The following CLTA variants were observed in gnomAD, a reference collection of about 807,000 sequenced individuals.
CLTA encodes clathrin, light polypeptide (Lca).
CLTA carries 9 observed loss-of-function variants against 26.9 expected under a neutral mutation model. The ratio of observed to expected loss-of-function variants is 0.33; its 90% CI spans 0.20 to 0.58. CLTA has a LOEUF of 0.58. Ranked by LOEUF, CLTA falls within the 20% of genes least tolerant of loss-of-function variation. CLTA has a pLI of 0.85. For synonymous variants in CLTA, 120 were observed against 115.5 expected, an observed-to-expected ratio of 1.04 and a Z score of -0.25; for missense variants, 278 against 294.2, an observed-to-expected ratio of 0.94 and a Z score of 0.40.
At chr9:36,191,525 G>A (rs1457186863) in intron 1 of CLTA, among the ~76,000 whole-genome samples, 1 of 152,214 alleles carries the variant, frequency 6.6e-6, no homozygotes, top group Non-Finnish European at 1.5e-5. Context: ...AGGCTCCGGA[G>A]CCGGAAGAAG....
At chr9:36,200,454 C>T (rs919110474) in intron 3 of CLTA, among the ~76,000 whole-genome samples, 3 of 152,198 alleles carry the variant, frequency 2.0e-5, no homozygotes, top group Admixed American at 6.5e-5. Flanking sequence ...GTAACCACAA[C>T]GTCAGCAGTA....
At chr9:36,197,687 C>A in intron 2 of CLTA, 99 bp downstream of exon 2, 1 of 865,308 alleles carries the variant, frequency 1.2e-6, no homozygotes, top group Non-Finnish European at 1.8e-6. Flanking sequence ...AGTCCTTTGA[C>A]TTTCCTGAAT....
chr9:36,205,095 C>T (rs948875581), intron 4 of CLTA, among the ~76,000 whole-genome samples: 11 of 152,334 alleles, frequency 7.2e-5, no homozygotes, highest in Non-Finnish European at 1.0e-4. Context: ...AGAGAGCTAA[C>T]GGCTTTGCCA....
chr9:36,206,497 T>G (rs1827732612), intron 4 of CLTA, among the ~76,000 whole-genome samples: 1 of 152,156 alleles, frequency 6.6e-6, no homozygotes, highest in African/African-American at 2.4e-5. Flanking sequence ...TCCATCCATG[T>G]TTGACTCTAA....
rs778934164 is a variant in CLTA, at chr9:36,191,184, T to C, written c.128T>C (p.Ile43Thr). 1 of 1,589,526 alleles carries C rather than the reference T, an allele frequency of 6.3e-7. No individual in the cohort carries two copies. The change falls in exon 1 of 5, where the codon ATT (isoleucine) becomes ACT (threonine). Residue 43 changes from isoleucine to threonine, a missense_variant. Coordinates refer to ENST00000345519, the MANE Select transcript of CLTA (RefSeq NM_001833.4). ...TTCTTGGCGCAGCAAGAGAGCGAGA[T>C]TGCGGGCATCGAGAACGACGAGGCC... is the stretch of plus-strand genomic sequence containing the variant. ...AAFLAQQESE[I>T]AGIENDEAFA... is the part of the protein sequence containing the mutation.
intron 1 of CLTA, among the ~76,000 whole-genome samples, chr9:36,197,174 A>G (rs142961455): frequency 5.9e-5 from 9 of 152,334 alleles, no homozygotes; most frequent in African/African-American, 1.7e-4. Flanking sequence ...GACTGTCTCA[A>G]AGATGAAGCT....
chr9:36,193,161 C>T (rs1826835253), intron 1 of CLTA, among the ~76,000 whole-genome samples: 1 of 152,100 alleles, frequency 6.6e-6, no homozygotes, highest in Admixed American at 6.5e-5. Flanking sequence ...TGACTTAGTT[C>T]CTAGGAGGGA....
At chr9:36,199,417 G>A (rs763173842) in intron 3 of CLTA, among the ~76,000 whole-genome samples, 5 of 151,652 alleles carry the variant, frequency 3.3e-5, no homozygotes, top group Non-Finnish European at 7.4e-5. Flanking sequence ...TCCTATGTCC[G>A]TGGACTTTAA....
chr9:36,209,836 C>T (rs1364562852), intron 4 of CLTA, among the ~76,000 whole-genome samples: 2 of 152,188 alleles, frequency 1.3e-5, no homozygotes, highest in African/African-American at 4.8e-5. Flanking sequence ...GTTTGCCTCT[C>T]CCTCAGGCAG....
chr9:36,195,741 C>T (rs568705820), intron 1 of CLTA, among the ~76,000 whole-genome samples: 5 of 151,980 alleles, frequency 3.3e-5, no homozygotes, highest in East Asian at 1.9e-4. Flanking sequence ...CTGAAGTGGG[C>T]GGATCACCTG....
intron 1 of CLTA, among the ~76,000 whole-genome samples, chr9:36,196,864 C>T (rs963392451): frequency 7.9e-5 from 12 of 152,068 alleles, no homozygotes; most frequent in Non-Finnish European, 1.8e-4. Context: ...GAGTAAAAGT[C>T]AACTAGGAAA....
chr9:36,198,588 G>A (rs898202401), intron 2 of CLTA, among the ~76,000 whole-genome samples: 1 of 151,428 alleles, frequency 6.6e-6, no homozygotes, highest in Non-Finnish European at 1.5e-5. Context: ...GAGGCAAGAG[G>A]AGAATTTGCT....
chr9:36,193,324 T>C (rs1826846494), intron 1 of CLTA, among the ~76,000 whole-genome samples: 1 of 151,984 alleles, frequency 6.6e-6, no homozygotes, highest in Non-Finnish European at 1.5e-5. Flanking sequence ...CTTCTTTTTT[T>C]TTTTTTTTAA....
At chr9:36,197,230 T>C (rs1352999003) in intron 1 of CLTA, among the ~76,000 whole-genome samples, 2 of 152,196 alleles carry the variant, frequency 1.3e-5, no homozygotes, top group East Asian at 3.8e-4. Flanking sequence ...CACTTTTTTT[T>C]TTCCCTCATG....
At chr9:36,201,435 G>C (rs1827395750) in intron 3 of CLTA, among the ~76,000 whole-genome samples, 1 of 152,170 alleles carries the variant, frequency 6.6e-6, no homozygotes, top group Non-Finnish European at 1.5e-5. Context: ...TTCATCCTCT[G>C]AGGGGAAGAA....
At chr9:36,211,524 T>C in intron 4 of CLTA, 79 bp from the exon 5 acceptor site, 4 of 1,508,738 alleles carry the variant, frequency 2.7e-6, no homozygotes, top group Admixed American at 4.1e-5. Context: ...AAATAGGCAG[T>C]TGCTTGTGTA....
At chr9:36,198,295 G>A (rs1045849680) in intron 2 of CLTA, among the ~76,000 whole-genome samples, 15 of 150,572 alleles carry the variant, frequency 1.0e-4, no homozygotes, top group African/African-American at 3.2e-4. Context: ...ACCGCACCCC[G>A]CCAGAGCCAC....
At chr9:36,207,949 T>C (rs1351493330) in intron 4 of CLTA, among the ~76,000 whole-genome samples, 3 of 152,140 alleles carry the variant, frequency 2.0e-5, no homozygotes, top group Non-Finnish European at 4.4e-5. Flanking sequence ...TCCTGCTGAG[T>C]CACTTTAAGT....
intron 4 of CLTA, among the ~76,000 whole-genome samples, chr9:36,207,280 CT>C (rs1406199929): frequency 6.6e-6 from 1 of 152,238 alleles, no homozygotes; most frequent in African/African-American, 2.4e-5. Flanking sequence ...AAAGAATTTC[CT>C]TTTCATAGCC....
Sources: gnomAD v4.1 joint callset for allele counts (sites outside exome capture counted in the v4.1 genomes callset) on GRCh38, gnomAD v4.1.1 for gene constraint, MANE v1.5 for transcripts, NCBI Gene and HGNC (gene_info 2026-07-23, HGNC 2026-07-21) for gene names.